The following ANKFN1 variants were observed in gnomAD, a reference collection of about 807,000 sequenced individuals.
ANKFN1 encodes ankyrin repeat and fibronectin type-III domain-containing protein 1.
Under a neutral mutation model 108.7 loss-of-function variants are expected in ANKFN1, and 74 were observed. That is an observed-to-expected ratio of 0.68 (90% CI 0.56 to 0.83). The LOEUF is 0.83. Among genes scored for constraint, ANKFN1 ranks in the 40% least tolerant of loss-of-function variants. ANKFN1 has a pLI of 0.00. For synonymous variants in ANKFN1, 547 were observed against 516.2 expected (o/e 1.06, Z -0.81); for missense variants, 1,505 against 1,382.3 (o/e 1.09, Z -1.41).
chr17:56,395,318 A>G (rs1707353245), intron 8 of ANKFN1, among the ~76,000 whole-genome samples: 1 of 152,172 alleles, frequency 6.6e-6, no homozygotes, highest in Non-Finnish European at 1.5e-5. Context: ...ACGTGGGGTG[A>G]GAGGAGCACC....
intron 3 of ANKFN1, among the ~76,000 whole-genome samples, chr17:56,322,130 G>C (rs2045388234): frequency 6.6e-6 from 1 of 151,790 alleles, no homozygotes; most frequent in African/African-American, 2.4e-5. Flanking sequence ...TCTTTTCTCT[G>C]TCTTAAAAAA....
intron 8 of ANKFN1, among the ~76,000 whole-genome samples, chr17:56,384,143 C>T (rs2047189777): frequency 6.6e-6 from 1 of 152,180 alleles, no homozygotes; most frequent in Non-Finnish European, 1.5e-5. Flanking sequence ...ATCAAGTGGG[C>T]TTCATCCCTG....
intron 8 of ANKFN1, among the ~76,000 whole-genome samples, chr17:56,414,768 C>A (rs539363298): frequency 3.9e-5 from 6 of 151,998 alleles, no homozygotes; most frequent in Admixed American, 2.0e-4. Flanking sequence ...GTGTTTAATC[C>A]CAGCATTTGG....
chr17:56,072,449 G>T (rs114173106), intron 4 of ANKFN1, among the ~76,000 whole-genome samples: 267 of 152,140 alleles, frequency 1.8e-3, no homozygotes, highest in African/African-American at 6.3e-3. Flanking sequence ...TCAGTTAATG[G>T]TTCCTATTGC....
chr17:56,233,840 G>A (rs1916915992), intron 3 of ANKFN1, among the ~76,000 whole-genome samples: 2 of 151,930 alleles, frequency 1.3e-5, no homozygotes, highest in African/African-American at 4.8e-5. Context: ...TGTAAATGTG[G>A]TTGATATTTA....
At chr17:56,052,036 C>G (rs1331464745) in intron 4 of ANKFN1, among the ~76,000 whole-genome samples, 1 of 147,654 alleles carries the variant, frequency 6.8e-6, no homozygotes, top group Non-Finnish European at 1.5e-5. Context: ...ATCAAGCTCC[C>G]AATGACTTTC....
chr17:56,312,412 A>T lies in ANKFN1; in HGVS notation c.54-13809A>T, dbSNP rs145704390. ...GAGACCTCAGGGTTAGCATCTAGGC[A>T]TTATTTCTGCTGATCTTACTCTGAC... On this transcript the variant is annotated intron_variant, in intron 3 of 20. Transcript: ENST00000682825. Among the ~76,000 whole-genome samples the T allele has an allele frequency of 2.6e-5, 4 of 152,190 alleles. No homozygotes were observed. The East Asian group carries it at 7.7e-4, about 29-fold the overall frequency.
chr17:56,086,397 C>T (rs1041683356), intron 4 of ANKFN1, among the ~76,000 whole-genome samples: 1 of 151,332 alleles, frequency 6.6e-6, no homozygotes, highest in Admixed American at 6.6e-5. Flanking sequence ...AAGAGCAAAA[C>T]TCCATCTCAA....
At chr17:56,237,219 T>TTTG (rs1212521359) in intron 3 of ANKFN1, among the ~76,000 whole-genome samples, 1 of 152,144 alleles carries the variant, frequency 6.6e-6, no homozygotes, top group South Asian at 2.1e-4. Context: ...GCCTGAAGTT[T>TTTG]TTGTTGTTGT....
intron 4 of ANKFN1, among the ~76,000 whole-genome samples, chr17:56,108,322 C>A (rs146177606): frequency 6.6e-6 from 1 of 152,196 alleles, no homozygotes; most frequent in Admixed American, 6.5e-5. Flanking sequence ...GTGTGAGCCA[C>A]GGCGCCTGGC....
At chr17:56,088,063 A>G (rs1282923023) in intron 4 of ANKFN1, among the ~76,000 whole-genome samples, 1 of 151,298 alleles carries the variant, frequency 6.6e-6, no homozygotes, top group African/African-American at 2.4e-5. Flanking sequence ...AGCCATCTTC[A>G]CCTAAGTCAC....
chr17:56,510,552 C>T lies in ANKFN1; in HGVS notation c.2724C>T (p.Ala908=), dbSNP rs2051713125. 1 of 1,536,176 alleles carries T rather than the reference C, an allele frequency of 6.5e-7. No individual in the cohort carries two copies. Reference sequence around the variant, plus strand: ...ACAGTGACTACGACTCCAGCGATGCCCTGAGCCCCAGAGACCTGGACCTGG... The same window carrying T: ...ACAGTGACTACGACTCCAGCGATGCTCTGAGCCCCAGAGACCTGGACCTGG... ...PTNSDYDSSD[A]LSPRDLDLVY... Residue 908 remains alanine, a synonymous_variant, in exon 21 of 21, where the codon GCC becomes GCT. Transcript: ENST00000682825.
At chr17:56,263,045 C>G (rs1206647430) in intron 3 of ANKFN1, among the ~76,000 whole-genome samples, 1 of 152,154 alleles carries the variant, frequency 6.6e-6, no homozygotes, top group African/African-American at 2.4e-5. Flanking sequence ...CACAGAGGCA[C>G]GAATATATGC....
chr17:56,342,741 A>G (rs2144628446), intron 4 of ANKFN1, among the ~76,000 whole-genome samples: 1 of 152,130 alleles, frequency 6.6e-6, no homozygotes, highest in African/African-American at 2.4e-5. Context: ...AGTAAGTACC[A>G]TGTGGTGATT....
At chr17:56,452,656 A>G (rs890022060) in intron 11 of ANKFN1, among the ~76,000 whole-genome samples, 7 of 152,204 alleles carry the variant, frequency 4.6e-5, no homozygotes, top group South Asian at 2.1e-4. Flanking sequence ...TCCAACCACA[A>G]GGGCTCCAAA....
chr17:56,292,729 G>GA (rs150020275), intron 3 of ANKFN1, among the ~76,000 whole-genome samples: 12 of 150,538 alleles, frequency 8.0e-5, no homozygotes, highest in South Asian at 2.1e-4. Flanking sequence ...GATTTAGGGG[G>GA]AAAAAAAAAC....
chr17:56,164,279 A>G (rs1029870415), intron 1 of ANKFN1, among the ~76,000 whole-genome samples: 1 of 152,122 alleles, frequency 6.6e-6, no homozygotes, highest in African/African-American at 2.4e-5. Context: ...ATTTCAGCCT[A>G]GATGCCAGAT....
chr17:56,479,666 T>C (rs2050625557), intron 16 of ANKFN1, among the ~76,000 whole-genome samples: 1 of 152,212 alleles, frequency 6.6e-6, no homozygotes, highest in African/African-American at 2.4e-5. Context: ...TTCAATTTGG[T>C]TTTCTGACCC....
At chr17:56,369,270 T>G (rs1387749162) in intron 6 of ANKFN1, among the ~76,000 whole-genome samples, 1 of 152,098 alleles carries the variant, frequency 6.6e-6, no homozygotes, top group Non-Finnish European at 1.5e-5. Context: ...TGCAACATCT[T>G]AAGATCCACA....
Sources: gnomAD v4.1 joint callset for allele counts (sites outside exome capture counted in the v4.1 genomes callset) on GRCh38, gnomAD v4.1.1 for gene constraint, MANE v1.5 for transcripts, NCBI Gene and HGNC (gene_info 2026-07-23, HGNC 2026-07-21) for gene names.